GPR149: variants seen among roughly 807,000 people sequenced by gnomAD.
The protein encoded by GPR149 is G protein-coupled receptor 149, also known as probable G protein-coupled receptor 149.
GPR149 carries 50 observed loss-of-function variants against 50.2 expected under a neutral mutation model. The ratio of observed to expected loss-of-function variants is 1.00; its 90% CI spans 0.79 to 1.26. GPR149 has a LOEUF of 1.26. Ranked by LOEUF, GPR149 falls within the 50% of genes most tolerant of loss-of-function variation. The pLI is 0.00. For missense variants in GPR149, 983 were observed against 895.4 expected, an observed-to-expected ratio of 1.10 and a Z score of -1.25; for synonymous variants, 405 against 358.2, an observed-to-expected ratio of 1.13 and a Z score of -1.48.
At chr3:154,368,761 T>A (rs957228888) in intron 3 of GPR149, among the ~76,000 whole-genome samples, 2 of 152,180 alleles carry the variant, frequency 1.3e-5, no homozygotes, top group Non-Finnish European at 2.9e-5. Context: ...CTAGAAGACA[T>A]CTACCACCCC....
In GPR149 at chr3:154,388,871, A is replaced by AACACACAC. The variant is rs58641317; in HGVS notation, c.1623+32160_1623+32167dup. On this transcript the variant is annotated intron_variant, in intron 3 of 3. Transcript: ENST00000389740. Reference sequence around the variant, plus strand: ...ATGGTAACATTTCACACATATGAAAAACACACACACACACACACACACACA... The same window carrying AACACACAC: ...ATGGTAACATTTCACACATATGAAAAACACACACACACACACACACACACACACACACA... 2.1e-3 allele frequency among the ~76,000 whole-genome samples: 302 copies of AACACACAC among 144,948 alleles called. 2 individuals carry two copies. The highest frequency in any genetic ancestry group is 7.3e-3 in the African/African-American group (287 of 39,478).
chr3:154,424,920 T>C (rs1712252577), intron 2 of GPR149, among the ~76,000 whole-genome samples: 1 of 150,948 alleles, frequency 6.6e-6, no homozygotes, highest in Non-Finnish European at 1.5e-5. Context: ...TTTTATACAA[T>C]GTGTTTGACA....
chr3:154,399,149 T>A (rs1192967525), intron 3 of GPR149, among the ~76,000 whole-genome samples: 1 of 151,818 alleles, frequency 6.6e-6, no homozygotes, highest in Non-Finnish European at 1.5e-5. Flanking sequence ...TATTTTTTTT[T>A]AAGTTTTAAC....
intron 3 of GPR149, chr3:154,352,250 T>C: frequency 3.5e-6 from 3 of 859,776 alleles, no homozygotes; most frequent in Non-Finnish European, 3.7e-6. Context: ...GTCTACCTGA[T>C]AGGCCACCAG....
At chr3:154,416,870 C>A (rs1712005320) in intron 3 of GPR149, among the ~76,000 whole-genome samples, 1 of 151,792 alleles carries the variant, frequency 6.6e-6, no homozygotes, top group African/African-American at 2.4e-5. Flanking sequence ...CCTTACAGAT[C>A]CTATAATGAT....
chr3:154,376,950 G>A (rs1714805906), intron 3 of GPR149, among the ~76,000 whole-genome samples: 1 of 151,598 alleles, frequency 6.6e-6, no homozygotes, highest in South Asian at 2.1e-4. Context: ...ATAAAATAAG[G>A]TGAAATAATG....
At chr3:154,371,314 C>T (rs564678986) in intron 3 of GPR149, among the ~76,000 whole-genome samples, 1 of 152,236 alleles carries the variant, frequency 6.6e-6, no homozygotes, top group African/African-American at 2.4e-5. Context: ...CTATTGATGC[C>T]TAAATGGCAC....
At chr3:154,421,976 T>C (rs1240111655) in intron 2 of GPR149, among the ~76,000 whole-genome samples, 1 of 151,762 alleles carries the variant, frequency 6.6e-6, no homozygotes, top group Non-Finnish European at 1.5e-5. Context: ...AATATTTTGG[T>C]ATATAATTTT....
At chr3:154,398,258 A>T (rs576143088) in intron 3 of GPR149, among the ~76,000 whole-genome samples, 3 of 152,182 alleles carry the variant, frequency 2.0e-5, no homozygotes, top group Non-Finnish European at 2.9e-5. Flanking sequence ...TTTGTTACAC[A>T]CTGCTAAGTA....
At chr3:154,424,482 G>T (rs1317116896) in intron 2 of GPR149, among the ~76,000 whole-genome samples, 1 of 151,686 alleles carries the variant, frequency 6.6e-6, no homozygotes, top group African/African-American at 2.4e-5. Context: ...TAGGAGGAAG[G>T]CCTTGACAGT....
rs1002550673 is a variant in GPR149, at chr3:154,421,506, AAC to A, written c.1175-21_1175-20del. The A allele has an allele frequency of 2.9e-6, 4 of 1,366,024 alleles. No individual in the cohort carries two copies. The African/African-American group carries it at 5.8e-5, about 20-fold the overall frequency. The allele number at this position is 1,366,024 out of a possible 1,614,324, so 84.6% of individuals were successfully genotyped here. Reference sequence around the variant, plus strand: ...CTCTTGACTGAGTAAAAATAAAAACAACAGTTTATGGCTAGTAAGGTAGATAA... The same window carrying A: ...CTCTTGACTGAGTAAAAATAAAAACAAGTTTATGGCTAGTAAGGTAGATAA... On this transcript the variant is annotated intron_variant, in intron 2 of 3. Transcript: ENST00000389740.
In GPR149 at chr3:154,336,448, CTT is replaced by C. The variant is rs1415837642; in HGVS notation, c.*1249_*1250del. On this transcript the variant is annotated 3_prime_UTR_variant, in exon 4 of 4. Transcript: ENST00000389740. ...ACTATGTAAAGTGTCAACTCAGTAA[CTT>C]TGGAAAATAAACTTTTAGGTAATAC... 1 of 152,034 alleles carries C rather than the reference CTT, an allele frequency of 6.6e-6. No homozygotes were observed. Among genetic ancestry groups the C allele is most frequent in the Non-Finnish European group, 1.5e-5 (1 of 67,930 alleles). The allele number at this position is 152,034 out of a possible 1,614,324, so 9.4% of individuals were successfully genotyped here.
At chr3:154,426,871 CGTGTGTGTGT>C (rs61087162) in intron 2 of GPR149, among the ~76,000 whole-genome samples, 17,857 of 144,322 alleles carry the variant, frequency 0.12, 1,216 homozygotes, top group East Asian at 0.23. Flanking sequence ...TGGACCAGGG[CGTGTGTGTGT>C]GTGTGTGTGT....
Position 154,421,302 on chromosome 3 carries a change from C to T in GPR149, c.1360G>A (p.Val454Ile). 1.2e-6 allele frequency: 2 copies of T among 1,613,346 alleles called. No individual in the cohort carries two copies. Among genetic ancestry groups the T allele is most frequent in the Non-Finnish European group, 1.7e-6 (2 of 1,179,552 alleles). ...DNRNIFNAIKVEISTTPSLDS... is the reference protein window; with the variant it reads ...DNRNIFNAIKIEISTTPSLDS... ...AGAGAGGGCGTGGTGCTGATTTCTA[C>T]TTTTATAGCATTGAAGATGTTACGG... The change falls in exon 3 of 4, where the codon GTA (valine) becomes ATA (isoleucine). Residue 454 changes from valine (V) to isoleucine (I), a missense_variant. Physicochemically the swap from Val to Ile is conservative, Grantham distance 29. Coordinates refer to ENST00000389740, the MANE Select transcript of GPR149 (RefSeq NM_001038705.3).
chr3:154,386,513 AG>A (rs2108409564), intron 3 of GPR149, among the ~76,000 whole-genome samples: 1 of 152,326 alleles, frequency 6.6e-6, no homozygotes, highest in East Asian at 1.9e-4. Flanking sequence ...TAAAAACAGA[AG>A]ATCAGAGTTT....
At chr3:154,393,318 TA>T (rs1463525868) in intron 3 of GPR149, among the ~76,000 whole-genome samples, 1 of 151,924 alleles carries the variant, frequency 6.6e-6, no homozygotes, top group Non-Finnish European at 1.5e-5. Context: ...ACTGACAGAA[TA>T]AAAGATAAGA....
At chr3:154,385,346 G>A (rs1386155157) in intron 3 of GPR149, among the ~76,000 whole-genome samples, 2 of 152,176 alleles carry the variant, frequency 1.3e-5, no homozygotes, top group Non-Finnish European at 2.9e-5. Flanking sequence ...ACAATAAGAA[G>A]CTTGAAAATC....
chr3:154,363,653 ACCAAGCTG>A lies in GPR149; in HGVS notation c.1624-25390_1624-25383del, dbSNP rs1660902774. Among the ~76,000 whole-genome samples, 7 of 152,250 alleles carry A rather than the reference ACCAAGCTG, an allele frequency of 4.6e-5. No individual in the cohort carries two copies. In the South Asian group the frequency reaches 1.5e-3, roughly 32 times the overall value. ...GCCAAGGGCAGTCTAAAACCTGAAA[ACCAAGCTG>A]CCACTTCTGGATAGAGTCCATGACA... On this transcript the variant is annotated intron_variant, in intron 3 of 3. Coordinates refer to ENST00000389740, the MANE Select transcript of GPR149 (RefSeq NM_001038705.3).
intron 3 of GPR149, among the ~76,000 whole-genome samples, chr3:154,377,880 C>G (rs977780045): frequency 6.6e-6 from 1 of 152,050 alleles, no homozygotes; most frequent in Non-Finnish European, 1.5e-5. Flanking sequence ...CTTCCCAGCC[C>G]TGATAATCAC....
Sources: allele counts gnomAD v4.1 joint callset (sites outside exome capture counted in the v4.1 genomes callset), GRCh38; gene constraint gnomAD v4.1.1; transcripts MANE v1.5; gene names NCBI Gene and HGNC (gene_info 2026-07-23, HGNC 2026-07-21).